ZNF823: variants seen among roughly 807,000 people sequenced by gnomAD.
ZNF823 encodes zinc finger protein 823.
A neutral mutation model predicts 11.4 loss-of-function variants in ZNF823; 5 were observed. That is an observed-to-expected ratio of 0.44 (90% CI 0.23 to 0.92). ZNF823 has a LOEUF of 0.92. ZNF823 is among the 40% of genes least tolerant of loss of function. ZNF823 has a pLI of 0.24. For missense variants in ZNF823, 582 were observed against 738.5 expected, an observed-to-expected ratio of 0.79 and a Z score of 2.46; for synonymous variants, 234 against 250.5, an observed-to-expected ratio of 0.93 and a Z score of 0.62.
chr19:11,722,734 T>A lies in ZNF823; in HGVS notation c.800A>T (p.Glu267Val). The A allele has an allele frequency of 6.2e-7, 1 of 1,614,214 alleles. No homozygotes were observed. ...GGGTTTCTCTCCGGTGTGAGTTCTC[T>A]CATGTCTTAGATAGGTACTGTAATC... ...FPDYSTYLRH[E>V]RTHTGEKPYK... Residue 267 changes from glutamate to valine, a missense_variant, in exon 4 of 4, where the codon GAG becomes GTG. By Grantham distance (121) the Glu-to-Val change is moderately radical. Around this residue, in one of 3 missense-constraint regions of ZNF823, gnomAD observed 429 missense variants for 553.7 expected, o/e 0.77. Coordinates refer to ENST00000341191, the MANE Select transcript of ZNF823 (RefSeq NM_001080493.4). The surrounding 1 kb of genome is among the most constrained non-coding windows in gnomAD (Gnocchi z 5.2).
chr19:11,722,310 C>A lies in ZNF823; in HGVS notation c.1224G>T (p.Arg408Ser). 6.2e-7 allele frequency: 1 copy of A among 1,613,550 alleles called. No homozygotes were observed. Among genetic ancestry groups the A allele is most frequent in the Non-Finnish European group, 8.5e-7 (1 of 1,179,834 alleles). Residue 408 changes from arginine to serine, a missense_variant, in exon 4 of 4, where the codon AGG (arginine) becomes AGT (serine). Around this residue, in one of 3 missense-constraint regions of ZNF823, gnomAD observed 429 missense variants for 553.7 expected, o/e 0.77. Coordinates refer to ENST00000341191, the MANE Select transcript of ZNF823 (RefSeq NM_001080493.4). The surrounding 1 kb of genome is among the most constrained non-coding windows in gnomAD (Gnocchi z 5.2). ...GCPSLFQRHE[R>S]THTGEKPYQC... ...GATAGGGTTTCTCTCCAGTGTGAGTCCTTTCATGTCTTTGAAATAAACTGG... is the reference window on the plus strand; with the variant it reads ...GATAGGGTTTCTCTCCAGTGTGAGTACTTTCATGTCTTTGAAATAAACTGG...
chr19:11,731,508 C>T (rs4804636), intron 1 of ZNF823, among the ~76,000 whole-genome samples: 44,410 of 151,888 alleles, frequency 0.29, 7,427 homozygotes, highest in South Asian at 0.39. Context: ...GTGTGCCGTT[C>T]GCTGAACACC....
At chr19:11,727,324 C>T (rs1207055051) in intron 1 of ZNF823, among the ~76,000 whole-genome samples, 1 of 151,980 alleles carries the variant, frequency 6.6e-6, no homozygotes, top group Admixed American at 6.6e-5. Context: ...TCCTGGCCAA[C>T]ATGGTGAAAC....
At chr19:11,725,533 C>A (rs1049389239) in intron 1 of ZNF823, among the ~76,000 whole-genome samples, 1 of 152,178 alleles carries the variant, frequency 6.6e-6, no homozygotes, top group Non-Finnish European at 1.5e-5. Context: ...AAGTAACAGT[C>A]GAATAGGAAC....
rs189091108 is a variant in ZNF823 at position 11,727,494 on chromosome 19, G to A, written c.4-2167C>T. On this transcript the variant is annotated intron_variant, in intron 1 of 3. Transcript: ENST00000341191. ...CACTGCACTCCAGCCTGGAGACAGA[G>A]TGAGACTCCATCTCAAAACAAACAA... Among the ~76,000 whole-genome samples, 11 of 152,204 alleles carry A rather than the reference G, an allele frequency of 7.2e-5. No homozygotes were observed. The East Asian group carries it at 1.7e-3, about 24-fold the overall frequency.
chr19:11,724,635 T>C (rs987251413), intron 2 of ZNF823, among the ~76,000 whole-genome samples: 1 of 148,968 alleles, frequency 6.7e-6, no homozygotes, highest in African/African-American at 2.5e-5. Context: ...CTCAGCTCAC[T>C]GCAAACTCTG....
intron 1 of ZNF823, among the ~76,000 whole-genome samples, chr19:11,733,590 T>G (rs1490350908): frequency 6.6e-6 from 1 of 151,936 alleles, no homozygotes; most frequent in African/African-American, 2.4e-5. Flanking sequence ...TTCCAGCTAC[T>G]TGGGGGGCTG....
At chr19:11,726,635 T>C (rs1024622796) in intron 1 of ZNF823, among the ~76,000 whole-genome samples, 1 of 152,152 alleles carries the variant, frequency 6.6e-6, no homozygotes, top group South Asian at 2.1e-4. Flanking sequence ...CTGTGCCACC[T>C]AGGGACTCTG....
intron 2 of ZNF823, among the ~76,000 whole-genome samples, chr19:11,724,565 T>G (rs1360933852): frequency 1.4e-5 from 2 of 147,762 alleles, no homozygotes; most frequent in Non-Finnish European, 3.0e-5. Context: ...CTTTTTTTTT[T>G]TTTTTTTTTT....
intron 1 of ZNF823, among the ~76,000 whole-genome samples, chr19:11,726,310 A>AT (rs1196464268): frequency 2.8e-5 from 4 of 142,816 alleles, no homozygotes; most frequent in East Asian, 2.1e-4. Context: ...ATATATATAA[A>AT]TTTTTTTTTA....
At chr19:11,731,172 C>T (rs1481003850) in intron 1 of ZNF823, among the ~76,000 whole-genome samples, 4 of 151,316 alleles carry the variant, frequency 2.6e-5, no homozygotes, top group Non-Finnish European at 1.5e-5. Context: ...ATTAGCCAGG[C>T]GTGGTGGTGC....
intron 1 of ZNF823, among the ~76,000 whole-genome samples, chr19:11,733,016 A>G (rs1974929647): frequency 6.6e-6 from 1 of 152,158 alleles, no homozygotes; most frequent in Non-Finnish European, 1.5e-5. Context: ...GAATAACAAA[A>G]CACATTCCCA....
chr19:11,731,941 A>C (rs1974903149), intron 1 of ZNF823, among the ~76,000 whole-genome samples: 1 of 150,240 alleles, frequency 6.7e-6, no homozygotes, highest in Non-Finnish European at 1.5e-5. Context: ...CCCGTGAGGC[A>C]GAGGTTGCGA....
At chr19:11,728,305 C>CT (rs1005389114) in intron 1 of ZNF823, among the ~76,000 whole-genome samples, 62 of 152,134 alleles carry the variant, frequency 4.1e-4, no homozygotes, top group Admixed American at 2.6e-4. Context: ...ACGGTTAAGA[C>CT]GAACAGCAGA....
Position 11,722,902 on chromosome 19 carries a change from T to C in ZNF823, c.632A>G (p.Glu211Gly), listed in dbSNP as rs1974717828. Residue 211 changes from glutamate to glycine, a missense_variant, in exon 4 of 4, where the codon GAA becomes GGA. By Grantham distance (98) the Glu-to-Gly change is moderately conservative. Transcript: ENST00000341191. This position sits in a 1 kb window ranked among gnomAD's most constrained non-coding sequence, Gnocchi z 5.2. ...CGGTTTCTCTCCAGTGTGTGTTCTTTCGTGCAAATGAAATAAACTGGGCCA... is the reference window on the plus strand; with the variant it reads ...CGGTTTCTCTCCAGTGTGTGTTCTTCCGTGCAAATGAAATAAACTGGGCCA... ...FVWPSLFHLHERTHTGEKPYE... is the reference protein window; with the variant it reads ...FVWPSLFHLHGRTHTGEKPYE... 2 of 1,614,238 alleles carry C rather than the reference T, an allele frequency of 1.2e-6. No individual in the cohort carries two copies. The highest frequency in any genetic ancestry group is 2.2e-5 in the East Asian group (1 of 44,896).
chr19:11,724,291 T>C (rs1372050490), intron 2 of ZNF823, 37 bp from the exon 3 acceptor site: 52 of 1,561,694 alleles, frequency 3.3e-5, no homozygotes, highest in Non-Finnish European at 4.2e-5. Context: ...TAAAAATGTT[T>C]ACAAAATTAT....
At chr19:11,738,546 G>A (rs1467522092) in intron 1 of ZNF823, among the ~76,000 whole-genome samples, 3 of 152,212 alleles carry the variant, frequency 2.0e-5, no homozygotes, top group Non-Finnish European at 4.4e-5. Context: ...CTGGGGAGAC[G>A]CGGAGCTGCG....
At position 11,722,833 on chromosome 19, in the gene ZNF823, G is replaced by A. The variant is rs368267364; in HGVS notation, c.701C>T (p.Ser234Phe). 1.7e-5 allele frequency: 28 copies of A among 1,613,588 alleles called. No individual in the cohort carries two copies. The highest frequency in any genetic ancestry group is 2.4e-5 in the Non-Finnish European group (28 of 1,179,954). ...QCSKAFPFYS[S>F]YLRHERIHTG... Reference sequence around the variant, plus strand: ...GTGGATTCTTTCATGTCTTAGATAGGAACTGTAAAAAGGAAAGGCTTTAGA... The same window carrying A: ...GTGGATTCTTTCATGTCTTAGATAGAAACTGTAAAAAGGAAAGGCTTTAGA... The change falls in exon 4 of 4, where the codon TCC becomes TTC. Residue 234 changes from serine to phenylalanine, a missense_variant. Ser to Phe is a radical substitution (Grantham distance 155, BLOSUM62 -2). Transcript: ENST00000341191. This position sits in a 1 kb window ranked among gnomAD's most constrained non-coding sequence, Gnocchi z 5.2.
At chr19:11,733,884 C>A (rs1242003944) in intron 1 of ZNF823, among the ~76,000 whole-genome samples, 3 of 152,108 alleles carry the variant, frequency 2.0e-5, no homozygotes, top group Admixed American at 1.3e-4. Flanking sequence ...AACCAGACTT[C>A]TAATAATGTT....
Sources: allele counts gnomAD v4.1 joint callset (sites outside exome capture counted in the v4.1 genomes callset), GRCh38; gene constraint gnomAD v4.1.1; regional missense constraint gnomAD v4.1.1; non-coding constraint Gnocchi (gnomAD v3.1); transcripts MANE v1.5; gene names NCBI Gene and HGNC (gene_info 2026-07-23, HGNC 2026-07-21).